CNTNAP3: variants seen among roughly 807,000 people sequenced by gnomAD.
CNTNAP3 encodes the protein contactin-associated protein-like 3.
Under a neutral mutation model 92.1 loss-of-function variants are expected in CNTNAP3, and 36 were observed. The ratio of observed to expected loss-of-function variants is 0.39; its 90% confidence interval spans 0.30 to 0.52. The LOEUF is 0.52. Ranked by LOEUF, CNTNAP3 falls within the 20% of genes least tolerant of loss-of-function variation. The pLI, the probability that CNTNAP3 is intolerant of heterozygous loss-of-function variation, is 0.76. For missense variants in CNTNAP3, 534 were observed against 1,069.6 expected (o/e 0.50, Z 6.98); for synonymous variants, 232 against 422.3 (o/e 0.55, Z 5.53).
chr9:39,202,265 T>A lies in CNTNAP3; in HGVS notation c.391-8990A>T, dbSNP rs1361512758. Among the ~76,000 whole-genome samples, 3 of 47,020 alleles carry A rather than the reference T, an allele frequency of 6.4e-5. 1 individual carries two copies. Among genetic ancestry groups the A allele is most frequent in the African/African-American group, 1.1e-4 (3 of 27,538 alleles). The allele number at this position is 47,020 out of a possible 152,430, so 30.8% of individuals were successfully genotyped here. ...AACTCTTTACAGCAAATACCATGTT[T>A]TTTGTTTTGTTTTGTTTTGTTTGCA... On this transcript the variant is annotated intron_variant, in intron 3 of 23. Coordinates refer to ENST00000297668, the MANE Select transcript of CNTNAP3 (RefSeq NM_033655.5).
chr9:39,105,539 C>A (rs1461295170), intron 15 of CNTNAP3, among the ~76,000 whole-genome samples: 1 of 152,188 alleles, frequency 6.6e-6, no homozygotes, highest in Non-Finnish European at 1.5e-5. Flanking sequence ...AATTTGTATT[C>A]TATTCAATGG....
chr9:39,273,071 A>T (rs1406314553), intron 1 of CNTNAP3, among the ~76,000 whole-genome samples: 1 of 86,918 alleles, frequency 1.2e-5, no homozygotes, highest in East Asian at 3.5e-4. Flanking sequence ...CTAGCGTCTG[A>T]ATGAGAATGT....
intron 11 of CNTNAP3, among the ~76,000 whole-genome samples, 180 bp downstream of exon 11, chr9:39,144,060 G>A (rs1303968443): frequency 2.6e-5 from 4 of 152,130 alleles, no homozygotes; most frequent in African/African-American, 9.6e-5. Flanking sequence ...GTATTTCTGT[G>A]CACTGTCTCA....
chr9:39,114,009 T>C (rs551178345), intron 14 of CNTNAP3, among the ~76,000 whole-genome samples: 14 of 142,728 alleles, frequency 9.8e-5, no homozygotes, highest in African/African-American at 2.9e-4. Flanking sequence ...CACATATATA[T>C]ACACACATAT....
intron 15 of CNTNAP3, among the ~76,000 whole-genome samples, chr9:39,108,277 C>T (rs1040555195): frequency 1.3e-5 from 2 of 152,184 alleles, no homozygotes; most frequent in African/African-American, 2.4e-5. Context: ...GCCGGTCCCC[C>T]CCCTCTCTGG....
In CNTNAP3 at chr9:39,103,788, A is replaced by G. The variant is rs751839858; in HGVS notation, c.2492T>C (p.Met831Thr). 2.5e-6 allele frequency: 4 copies of G among 1,611,312 alleles called. No homozygotes were observed. Among genetic ancestry groups the G allele is most frequent in the South Asian group, 1.1e-5 (1 of 90,508 alleles). ...GAAATCTGTGATCCCCAGGTTCTCC[A>G]TAAACACCCCGGAGGAAACTGTGGT... ...FKTTVSSGVF[M>T]ENLGITDFIR... is the part of the protein sequence containing the mutation. The change falls in exon 16 of 24, where the codon ATG (methionine) becomes ACG (threonine). Residue 831 changes from methionine to threonine, a missense_variant. Transcript: ENST00000297668.
chr9:39,074,275 C>T lies in CNTNAP3; in HGVS notation c.3746-264G>A, dbSNP rs567491795. On this transcript the variant is annotated intron_variant, in intron 23 of 23. Coordinates refer to ENST00000297668, the MANE Select transcript of CNTNAP3 (RefSeq NM_033655.5). ...AACTCCTGGGCTAAAGTGATCCTCT[C>T]ACCTTGGTCTCCCAAATTGTTGGGA... is the stretch of plus-strand genomic sequence containing the variant. 2.6e-5 allele frequency among the ~76,000 whole-genome samples: 4 copies of T among 152,022 alleles called. No individual in the cohort carries two copies. In the East Asian group the frequency reaches 7.8e-4, roughly 29 times the overall value.
In CNTNAP3 at chr9:39,079,851, T is replaced by G. The variant is rs887704439; in HGVS notation, c.3443-931A>C. 1.2e-4 allele frequency among the ~76,000 whole-genome samples: 17 copies of G among 136,506 alleles called. No individual in the cohort carries two copies. The East Asian group carries it at 1.6e-3, about 13-fold the overall frequency. 89.6% of individuals were successfully genotyped at this position (136,506 alleles called of 152,430 possible). A position where few individuals can be genotyped will look rare whatever the true frequency, so the allele number is the denominator to read the frequency against. The stretch of plus-strand genomic sequence containing the variant: ...CTTTCCCCCATTCCCAACAGTGAGA[T>G]GAGCGATTGCATGGTTCTTTCTCCC... On this transcript the variant is annotated intron_variant, in intron 21 of 23. Coordinates refer to ENST00000297668, the MANE Select transcript of CNTNAP3 (RefSeq NM_033655.5).
chr9:39,137,669 T>C (rs367813038), intron 12 of CNTNAP3, among the ~76,000 whole-genome samples: 2 of 151,922 alleles, frequency 1.3e-5, no homozygotes, highest in African/African-American at 2.4e-5. Context: ...CCCGCCACTA[T>C]GCCCAGCTAA....
In CNTNAP3 at chr9:39,136,084, G is replaced by A. The variant is rs1305558441; in HGVS notation, c.1877-2949C>T. On this transcript the variant is annotated intron_variant, in intron 12 of 23. Transcript: ENST00000297668. ...GTGGAGGTTGCAGTGAGCCGAGATC[G>A]TGCCACTGTACTCCAGCCTGGGTGA... Among the ~76,000 whole-genome samples the A allele has an allele frequency of 4.6e-5, 7 of 151,140 alleles. No individual in the cohort carries two copies. The South Asian group carries it at 8.4e-4, about 18-fold the overall frequency.
chr9:39,140,822 T>G (rs1821557389), intron 11 of CNTNAP3, among the ~76,000 whole-genome samples, 184 bp from the exon 12 acceptor site: 1 of 152,204 alleles, frequency 6.6e-6, no homozygotes. Flanking sequence ...AAATCTATTT[T>G]TATTAACAAA....
At position 39,067,741 on chromosome 9, in the gene CNTNAP3, C is replaced by T. The variant is rs1340440779; in HGVS notation, c.*6149G>A. Among the ~76,000 whole-genome samples the T allele has an allele frequency of 6.6e-6, 1 of 152,312 alleles. No homozygotes were observed. The highest frequency in any genetic ancestry group is 2.1e-4 in the South Asian group (1 of 4,838). ...TTACTGGAAATACATGTGAACTTTGCTCAGAGATGCCAATTAGTTATTGGA... is the reference window on the plus strand; with the variant it reads ...TTACTGGAAATACATGTGAACTTTGTTCAGAGATGCCAATTAGTTATTGGA... On this transcript the variant is annotated 3_prime_UTR_variant, in exon 24 of 24. Coordinates refer to ENST00000297668, the MANE Select transcript of CNTNAP3 (RefSeq NM_033655.5).
At chr9:39,143,256 T>C (rs1218267831) in intron 11 of CNTNAP3, among the ~76,000 whole-genome samples, 1 of 151,428 alleles carries the variant, frequency 6.6e-6, no homozygotes, top group Non-Finnish European at 1.5e-5. Flanking sequence ...CCCTTAGACA[T>C]TGTTCTTACA....
rs945777300 is a variant in CNTNAP3 at position 39,149,664 on chromosome 9, C to T, written c.1649+142G>A. ...GGCCAAGATGAAGTTTTCTAATCCT[C>T]ATAGTAATTATGACTATTTCATTCC... On this transcript the variant is annotated intron_variant, in intron 10 of 23. Coordinates refer to ENST00000297668, the MANE Select transcript of CNTNAP3 (RefSeq NM_033655.5). 9.7e-5 allele frequency: 117 copies of T among 1,202,932 alleles called. 1 individual carries two copies. Among genetic ancestry groups the T allele is most frequent in the South Asian group, 8.3e-4 (52 of 62,638 alleles). 74.5% of individuals were successfully genotyped at this position (1,202,932 alleles called of 1,614,324 possible).
At chr9:39,114,631 CT>C (rs1233029430) in intron 14 of CNTNAP3, among the ~76,000 whole-genome samples, 1 of 152,122 alleles carries the variant, frequency 6.6e-6, no homozygotes, top group Non-Finnish European at 1.5e-5. Flanking sequence ...GCTATAGCTT[CT>C]TTAAAAATCC....
At chr9:39,139,631 C>T (rs1227239919) in intron 12 of CNTNAP3, 1 of 152,084 alleles carries the variant, frequency 6.6e-6, no homozygotes, top group Non-Finnish European at 1.5e-5. Context: ...TTCCAGATTT[C>T]CACTTTGCAG....
chr9:39,122,103 C>T (rs1392763609), intron 13 of CNTNAP3, among the ~76,000 whole-genome samples: 3 of 151,516 alleles, frequency 2.0e-5, no homozygotes, highest in Non-Finnish European at 2.9e-5. Context: ...GCCTGTAATC[C>T]CAGCACTTTG....
At chr9:39,088,310 G>A (rs1247771217) in intron 19 of CNTNAP3, 113 bp downstream of exon 19, 2 of 918,430 alleles carry the variant, frequency 2.2e-6, no homozygotes, top group Non-Finnish European at 1.7e-6. Context: ...CCCATTGGAG[G>A]GCATACAGTT....
At chr9:39,081,591 G>A (rs1175810021) in intron 21 of CNTNAP3, among the ~76,000 whole-genome samples, 1 of 151,026 alleles carries the variant, frequency 6.6e-6, no homozygotes, top group African/African-American at 2.4e-5. Flanking sequence ...TGAAATACTG[G>A]CACTTGACGT....
Sources: gnomAD v4.1 joint callset for allele counts (sites outside exome capture counted in the v4.1 genomes callset) on GRCh38, gnomAD v4.1.1 for gene constraint, MANE v1.5 for transcripts, NCBI Gene and HGNC (gene_info 2026-07-23, HGNC 2026-07-21) for gene names.